Variants in TRPM3 observed in about 807,000 individuals in gnomAD.
TRPM3 encodes the protein long transient receptor potential channel 3.
A neutral mutation model predicts 181.2 loss-of-function variants in TRPM3; 77 were observed. The ratio of observed to expected loss-of-function variants is 0.42; its 90% CI spans 0.35 to 0.51. The LOEUF (loss-of-function observed/expected upper bound fraction) is 0.51. TRPM3 is among the 20% of genes least tolerant of loss of function. TRPM3 has a pLI of 0.01. For synonymous variants in TRPM3, 745 were observed against 796.4 expected (o/e 0.94, Z 1.09); for missense variants, 1,759 against 2,196.7 (o/e 0.80, Z 3.98).
intron 1 of TRPM3, among the ~76,000 whole-genome samples, chr9:71,382,891 T>C (rs2092835942): frequency 6.6e-6 from 1 of 152,088 alleles, no homozygotes; most frequent in Non-Finnish European, 1.5e-5. Flanking sequence ...TCTGGTGGTT[T>C]ATATAATATC....
intron 1 of TRPM3, among the ~76,000 whole-genome samples, chr9:71,213,230 A>G (rs1504395): frequency 0.97 from 147,978 of 152,254 alleles, 71,999 homozygotes; most frequent in East Asian, 1. Flanking sequence ...TTTCTTTGAG[A>G]ATACTAAAAT....
chr9:71,189,512 C>A (rs1390603624), intron 1 of TRPM3, among the ~76,000 whole-genome samples: 1 of 151,770 alleles, frequency 6.6e-6, no homozygotes, highest in Non-Finnish European at 1.5e-5. Flanking sequence ...GGATTATTTG[C>A]ATGCTGAAAC....
chr9:70,740,243 A>T (rs377046054), intron 8 of TRPM3, among the ~76,000 whole-genome samples: 1 of 152,202 alleles, frequency 6.6e-6, no homozygotes, highest in East Asian at 1.9e-4. Flanking sequence ...AAAATAAAAT[A>T]CTTAGGAATA....
Position 70,864,517 on chromosome 9 carries a change from A to C in TRPM3, c.178-6T>G. 1 of 1,465,478 alleles carries C rather than the reference A, an allele frequency of 6.8e-7. No individual in the cohort carries two copies. The highest frequency in any genetic ancestry group is 1.5e-5 in the African/African-American group (1 of 64,544). 90.8% of individuals were successfully genotyped at this position (1,465,478 alleles called of 1,614,324 possible). On this transcript the variant is annotated splice_region_variant and splice_polypyrimidine_tract_variant and intron_variant, in intron 1 of 25. Coordinates refer to ENST00000677713, the MANE Select transcript of TRPM3 (RefSeq NM_001366145.2). Reference sequence around the variant, plus strand: ...TCTATCCAGGATTTCTGAGCCTGAAAAAGAAAACAAAAAAAAAAAAAAAAG... The same window carrying C: ...TCTATCCAGGATTTCTGAGCCTGAACAAGAAAACAAAAAAAAAAAAAAAAG...
chr9:70,803,028 TTTTG>T (rs1355794018), intron 6 of TRPM3, among the ~76,000 whole-genome samples: 11 of 97,472 alleles, frequency 1.1e-4, no homozygotes, highest in African/African-American at 2.2e-4. Context: ...CCTGGAGAAA[TTTTG>T]TAAAAAAAAA....
chr9:71,350,263 G>A (rs1362000373), intron 1 of TRPM3, among the ~76,000 whole-genome samples: 1 of 152,088 alleles, frequency 6.6e-6, no homozygotes, highest in African/African-American at 2.4e-5. Flanking sequence ...TTCATGTCAA[G>A]TACTAGTCAA....
chr9:71,168,288 C>T (rs759420714), intron 1 of TRPM3, among the ~76,000 whole-genome samples: 145 of 152,194 alleles, frequency 9.5e-4, no homozygotes, highest in Non-Finnish European at 1.6e-3. Flanking sequence ...ATCTAGTTTT[C>T]ACTCTTTTGT....
At chr9:70,985,419 C>T (rs1466124667) in intron 1 of TRPM3, among the ~76,000 whole-genome samples, 1 of 152,192 alleles carries the variant, frequency 6.6e-6, no homozygotes, top group Admixed American at 6.5e-5. Context: ...CTAGAGAAGG[C>T]AACCCAGTGC....
At position 70,783,822 on chromosome 9, in the gene TRPM3, C is replaced by A. The variant is rs1003507742; in HGVS notation, c.1148+283G>T. Reference sequence around the variant, plus strand: ...TTACTGGGAGGAGGAGAAGGAGATACGAAGAGAAGAAAAAGGAGACCACAG... The same window carrying A: ...TTACTGGGAGGAGGAGAAGGAGATAAGAAGAGAAGAAAAAGGAGACCACAG... On this transcript the variant is annotated intron_variant, in intron 7 of 25. Coordinates refer to ENST00000677713, the MANE Select transcript of TRPM3 (RefSeq NM_001366145.2). 9 of 1,059,280 alleles carry A rather than the reference C, an allele frequency of 8.5e-6. No individual in the cohort carries two copies. The African/African-American group carries it at 1.5e-4, about 18-fold the overall frequency. 65.6% of individuals were successfully genotyped at this position (1,059,280 alleles called of 1,614,324 possible). A position where few individuals can be genotyped will look rare whatever the true frequency, so the allele number is the denominator to read the frequency against.
intron 1 of TRPM3, among the ~76,000 whole-genome samples, chr9:70,958,616 A>G (rs1437676095): frequency 1.3e-5 from 2 of 152,148 alleles, no homozygotes; most frequent in Non-Finnish European, 2.9e-5. Context: ...TCAGGGATCT[A>G]GAACTAGAAA....
At chr9:71,045,420 A>G (rs928304562) in intron 1 of TRPM3, among the ~76,000 whole-genome samples, 1 of 152,160 alleles carries the variant, frequency 6.6e-6, no homozygotes, top group African/African-American at 2.4e-5. Context: ...TCTCGGCCAC[A>G]CTGTAAACTC....
chr9:71,270,678 C>T (rs1175725855), intron 1 of TRPM3, among the ~76,000 whole-genome samples: 5 of 152,154 alleles, frequency 3.3e-5, no homozygotes, highest in Non-Finnish European at 7.3e-5. Flanking sequence ...TACCTTTACT[C>T]CTGGTATACA....
At chr9:71,172,281 T>C (rs1026871155) in intron 1 of TRPM3, among the ~76,000 whole-genome samples, 2 of 152,114 alleles carry the variant, frequency 1.3e-5, no homozygotes, top group Admixed American at 1.3e-4. Context: ...TAGAGGTTGG[T>C]TGGGAGAGGG....
At chr9:71,436,990 T>C (rs1180349212) in intron 1 of TRPM3, among the ~76,000 whole-genome samples, 4 of 152,254 alleles carry the variant, frequency 2.6e-5, no homozygotes, top group Non-Finnish European at 4.4e-5. Context: ...AATAATACTT[T>C]AATTGGCCTC....
rs2060628093 is a variant in TRPM3, at chr9:70,658,159, A to G, written c.1346-17499T>C. On this transcript the variant is annotated intron_variant, in intron 9 of 25. Coordinates refer to ENST00000677713, the MANE Select transcript of TRPM3 (RefSeq NM_001366145.2). ...AATTTAATTAGCTTCATGCTGTTTT[A>G]TTAGGGCTTATTGTTTGGAAAATTA... is the stretch of plus-strand genomic sequence containing the variant. Among the ~76,000 whole-genome samples the G allele has an allele frequency of 2.0e-5, 3 of 152,150 alleles. No individual in the cohort carries two copies. The South Asian group carries it at 6.2e-4, about 31-fold the overall frequency.
At chr9:70,974,165 C>CT (rs74357651) in intron 1 of TRPM3, among the ~76,000 whole-genome samples, 11 of 152,038 alleles carry the variant, frequency 7.2e-5, no homozygotes, top group Non-Finnish European at 8.8e-5. Context: ...ATTATACCTG[C>CT]TTTTTTTTCC....
rs373250926 is a variant in TRPM3 at position 71,217,011 on chromosome 9, C to T, written c.183+229642G>A. 4.0e-5 allele frequency among the ~76,000 whole-genome samples: 5 copies of T among 125,936 alleles called. No individual in the cohort carries two copies. The East Asian group carries it at 9.7e-4, about 24-fold the overall frequency. The allele number at this position is 125,936 out of a possible 152,430, so 82.6% of individuals were successfully genotyped here. The stretch of plus-strand genomic sequence containing the variant: ...TGTCGCCCAGGCTGGAGTGCAGTGG[C>T]GCGATCTCGGCTCACTGCAAGCTCC... On this transcript the variant is annotated intron_variant, in intron 1 of 24. Coordinates refer to the TRPM3 transcript ENST00000357533.
intron 1 of TRPM3, among the ~76,000 whole-genome samples, chr9:70,874,332 T>C (rs1407850045): frequency 6.6e-6 from 1 of 152,008 alleles, no homozygotes; most frequent in African/African-American, 2.4e-5. Flanking sequence ...CTATGGCATA[T>C]AGAATTTCAT....
At chr9:71,424,440 G>C (rs1307932629) in intron 1 of TRPM3, among the ~76,000 whole-genome samples, 7 of 152,068 alleles carry the variant, frequency 4.6e-5, no homozygotes, top group African/African-American at 1.7e-4. Context: ...ATATAAATGA[G>C]ACATGTTCTC....
Sources: gnomAD v4.1 joint callset for allele counts (sites outside exome capture counted in the v4.1 genomes callset) on GRCh38, gnomAD v4.1.1 for gene constraint, MANE v1.5 for transcripts, NCBI Gene and HGNC (gene_info 2026-07-23, HGNC 2026-07-21) for gene names.